Variants in LIPA observed in about 807,000 individuals in gnomAD.
LIPA encodes the protein lipase A, lysosomal acid type.
Under a neutral mutation model 40.6 loss-of-function variants are expected in LIPA, and 26 were observed. The ratio of observed to expected loss-of-function variants is 0.64; its 90% CI spans 0.47 to 0.89. The LOEUF (loss-of-function observed/expected upper bound fraction) is 0.89, where lower values mean the gene tolerates loss of function less well. Among genes scored for constraint, LIPA ranks in the 40% least tolerant of loss-of-function variants. The pLI is 0.00. For synonymous variants in LIPA, 188 were observed against 168.4 expected, an observed-to-expected ratio of 1.12 and a Z score of -0.90; for missense variants, 455 against 479.6, an observed-to-expected ratio of 0.95 and a Z score of 0.48.
At chr10:89,393,281 C>T (rs556753880) in intron 2 of LIPA, 55 of 1,289,676 alleles carry the variant, frequency 4.3e-5, no homozygotes, top group Middle Eastern at 4.3e-4. Context: ...AACAGGTTTT[C>T]GCAATCAGGC....
intron 2 of LIPA, among the ~76,000 whole-genome samples, chr10:89,379,734 G>A (rs1844148107): frequency 3.3e-5 from 5 of 152,070 alleles, no homozygotes; most frequent in Admixed American, 3.3e-4. Context: ...CGGGCTCCTG[G>A]TCATAAGATG....
At chr10:89,252,778 C>A (rs1240839544), upstream of LIPA, among the ~76,000 whole-genome samples, 4 of 127,946 alleles carry the variant, frequency 3.1e-5, no homozygotes, top group African/African-American at 1.2e-4. Context: ...TGCACTCCAG[C>A]ATGGACAACA....
chr10:89,290,275 G>A (rs187296087), intron 1 of LIPA, among the ~76,000 whole-genome samples: 14 of 152,030 alleles, frequency 9.2e-5, no homozygotes, highest in African/African-American at 2.2e-4. Context: ...ATCCAAAACC[G>A]TATCCAGGCC....
chr10:89,303,562 T>C (rs139602085), intron 1 of LIPA, among the ~76,000 whole-genome samples: 69 of 152,314 alleles, frequency 4.5e-4, no homozygotes, highest in Middle Eastern at 6.8e-3. Flanking sequence ...AACTTACCAG[T>C]GGAAATAAAA....
At chr10:89,301,397 A>T (rs992191725) in intron 1 of LIPA, among the ~76,000 whole-genome samples, 3 of 152,234 alleles carry the variant, frequency 2.0e-5, no homozygotes, top group African/African-American at 7.2e-5. Context: ...CCTGTGGATC[A>T]TATTGGTATA....
intron 2 of LIPA, among the ~76,000 whole-genome samples, chr10:89,406,702 T>C (rs1841415071): frequency 6.6e-6 from 1 of 152,116 alleles, no homozygotes. Flanking sequence ...AAACTCTGGA[T>C]GCATCTGAAC....
intron 2 of LIPA, among the ~76,000 whole-genome samples, chr10:89,379,968 G>A (rs1298466185): frequency 2.6e-5 from 4 of 151,670 alleles, no homozygotes; most frequent in African/African-American, 4.9e-5. Context: ...CTGGGAGGCG[G>A]AGCTTGAAGT....
chr10:89,225,206 G>A lies in LIPA; in HGVS notation c.561C>T (p.Ile187=), dbSNP rs771168321. ...TTIGFIAFSQ[I]PELAKRIKMF... ...TTTTAATCCTTTTAGCCAGCTCAGG[G>A]ATCTGTGAAAATGCTATAAAACCTG... Residue 187 remains isoleucine (I), a synonymous_variant, in exon 6 of 10, where the codon ATC becomes ATT. Coordinates refer to ENST00000336233, the MANE Select transcript of LIPA (RefSeq NM_000235.4). 6.2e-7 allele frequency: 1 copy of A among 1,614,144 alleles called. No individual in the cohort carries two copies. Among genetic ancestry groups the A allele is most frequent in the Non-Finnish European group, 8.5e-7 (1 of 1,180,012 alleles).
intron 2 of LIPA, among the ~76,000 whole-genome samples, chr10:89,366,851 T>C (rs1367805516): frequency 6.6e-6 from 1 of 152,214 alleles, no homozygotes; most frequent in African/African-American, 2.4e-5. Context: ...TTATAAATCA[T>C]GCTGCTATAA....
At chr10:89,256,656 G>T (rs1185552098), upstream of LIPA, among the ~76,000 whole-genome samples, 3 of 152,212 alleles carry the variant, frequency 2.0e-5, no homozygotes, top group Admixed American at 6.5e-5. Flanking sequence ...CTTGTAAAAT[G>T]GGTGTATGAA....
intron 1 of LIPA, among the ~76,000 whole-genome samples, chr10:89,289,118 C>T (rs1323852632): frequency 6.6e-6 from 1 of 152,216 alleles, no homozygotes; most frequent in Non-Finnish European, 1.5e-5. Context: ...TCTCAATGGT[C>T]ACTCCCACCT....
At chr10:89,298,161 C>G (rs1470672102) in intron 1 of LIPA, among the ~76,000 whole-genome samples, 1 of 152,358 alleles carries the variant, frequency 6.6e-6, no homozygotes, top group East Asian at 1.9e-4. Flanking sequence ...ACTCACCCAC[C>G]TGGCCCACTG....
In LIPA at chr10:89,214,960, T is replaced by C. The variant is rs137932212; in HGVS notation, c.1068A>G (p.Leu356=). The change falls in exon 10 of 10, where the codon TTA becomes TTG. Residue 356 remains leucine (L), a synonymous_variant. Transcript: ENST00000336233. ...ACACCAAGTTGGTGATCTGAGTCAG[T>C]AAGATATTGACGTCGTAGACATCTG... ...WLADVYDVNI[L]LTQITNLVFH... is the part of the protein sequence containing the mutation. 34 of 1,614,000 alleles carry C rather than the reference T, an allele frequency of 2.1e-5. No homozygotes were observed. In the African/African-American group the frequency reaches 4.3e-4, roughly 20 times the overall value.
chr10:89,218,591 G>A (rs540398430), intron 8 of LIPA, among the ~76,000 whole-genome samples: 2 of 152,274 alleles, frequency 1.3e-5, no homozygotes, highest in African/African-American at 4.8e-5. Context: ...TCACTTCTAA[G>A]CTATCTCCTT....
At chr10:89,385,281 G>T in intron 2 of LIPA, 1 of 153,084 alleles carries the variant, frequency 6.5e-6, no homozygotes, top group South Asian at 2.1e-4. Context: ...ATAGTCTGAT[G>T]AAATACAAAA....
chr10:89,228,128 C>T, intron 4 of LIPA, 72 bp downstream of exon 4: 1 of 1,310,018 alleles, frequency 7.6e-7, no homozygotes, highest in Admixed American at 1.7e-5. Context: ...TCTACCTCTT[C>T]TGCTGGAAGC....
chr10:89,409,801 T>A (rs190518981), intron 2 of LIPA, among the ~76,000 whole-genome samples: 2 of 152,372 alleles, frequency 1.3e-5, no homozygotes, highest in Admixed American at 6.5e-5. Context: ...TCTTTTCACA[T>A]GTCTTTCTTG....
At chr10:89,356,307 C>T (rs1589620348) in intron 2 of LIPA, among the ~76,000 whole-genome samples, 2 of 152,150 alleles carry the variant, frequency 1.3e-5, no homozygotes, top group African/African-American at 4.8e-5. Flanking sequence ...CAACTCAAAA[C>T]CTCTCAGAAC....
At chr10:89,294,149 C>T (rs1189695760) in intron 1 of LIPA, among the ~76,000 whole-genome samples, 1 of 152,202 alleles carries the variant, frequency 6.6e-6, no homozygotes, top group African/African-American at 2.4e-5. Context: ...GTTTATTTAG[C>T]ATGGTCTTAT....
Sources: gnomAD v4.1 joint callset for allele counts (sites outside exome capture counted in the v4.1 genomes callset) on GRCh38, gnomAD v4.1.1 for gene constraint, MANE v1.5 for transcripts, NCBI Gene and HGNC (gene_info 2026-07-23, HGNC 2026-07-21) for gene names.